The following DLG2 variants were observed in gnomAD, a reference collection of about 807,000 sequenced individuals.
DLG2 encodes disks large homolog 2.
Under a neutral mutation model 132.5 loss-of-function variants are expected in DLG2, and 45 were observed. That is an observed-to-expected ratio of 0.34 (90% CI 0.27 to 0.44). The LOEUF (loss-of-function observed/expected upper bound fraction) is 0.44. Among genes scored for constraint, DLG2 ranks in the 20% least tolerant of loss-of-function variants. The probability of loss-of-function intolerance (pLI) is 1.00; values close to 1 mark genes in which losing one functional copy is unlikely to be tolerated. For missense variants in DLG2, 1,045 were observed against 1,196.9 expected, an observed-to-expected ratio of 0.87 and a Z score of 1.87; for synonymous variants, 424 against 419.6, an observed-to-expected ratio of 1.01 and a Z score of -0.13.
At chr11:84,077,634 T>C (rs571170722) in intron 10 of DLG2, among the ~76,000 whole-genome samples, 1 of 152,370 alleles carries the variant, frequency 6.6e-6, no homozygotes, top group African/African-American at 2.4e-5. Context: ...ATATCATTTC[T>C]GACCTACTGT....
At chr11:85,412,269 G>A (rs1346637030) in intron 3 of DLG2, among the ~76,000 whole-genome samples, 1 of 151,758 alleles carries the variant, frequency 6.6e-6, no homozygotes, top group South Asian at 2.1e-4. Flanking sequence ...AGTCCTCATT[G>A]CTCTGGCAGG....
chr11:85,146,606 G>A (rs2076879289), intron 5 of DLG2, among the ~76,000 whole-genome samples: 1 of 152,056 alleles, frequency 6.6e-6, no homozygotes, highest in East Asian at 1.9e-4. Flanking sequence ...TGGTACCCAG[G>A]TTGCAAGATG....
chr11:83,569,753 C>T (rs2096766964), intron 19 of DLG2, among the ~76,000 whole-genome samples: 3 of 152,214 alleles, frequency 2.0e-5, no homozygotes, highest in African/African-American at 4.8e-5. Context: ...GATGAAAACA[C>T]TGCCTAGACA....
At chr11:84,162,267 A>T (rs896484194) in intron 9 of DLG2, among the ~76,000 whole-genome samples, 12 of 152,184 alleles carry the variant, frequency 7.9e-5, no homozygotes, top group Non-Finnish European at 1.5e-4. Context: ...AGCCACCAAC[A>T]TGTGTAACAT....
chr11:84,767,470 G>C (rs1420333871), intron 6 of DLG2, among the ~76,000 whole-genome samples: 1 of 151,972 alleles, frequency 6.6e-6, no homozygotes, highest in Non-Finnish European at 1.5e-5. Flanking sequence ...GGATTTAAAA[G>C]AAAGAAGGTG....
intron 3 of DLG2, among the ~76,000 whole-genome samples, chr11:85,516,325 A>T (rs1325690310): frequency 6.6e-6 from 1 of 152,050 alleles, no homozygotes; most frequent in Non-Finnish European, 1.5e-5. Context: ...TGAGCAATAA[A>T]TTTATACATC....
At chr11:83,476,261 A>G (rs1392473561) in intron 22 of DLG2, among the ~76,000 whole-genome samples, 2 of 152,130 alleles carry the variant, frequency 1.3e-5, no homozygotes, top group Non-Finnish European at 2.9e-5. Context: ...ATAGATGGCA[A>G]GTACATACCA....
chr11:83,537,829 AAAAAAAGAGAG>A (rs1268591182), intron 20 of DLG2, among the ~76,000 whole-genome samples: 10 of 138,438 alleles, frequency 7.2e-5, no homozygotes, highest in African/African-American at 1.5e-4. Flanking sequence ...AAAAAAAAAA[AAAAAAAGAGAG>A]AGAGAGATAC....
At chr11:83,655,246 T>C (rs1404771759) in intron 18 of DLG2, among the ~76,000 whole-genome samples, 29 of 152,208 alleles carry the variant, frequency 1.9e-4, no homozygotes, top group Non-Finnish European at 7.3e-5. Flanking sequence ...TAAATAGATA[T>C]TTATTGAATA....
At chr11:84,934,120 T>C (rs2048406571) in intron 6 of DLG2, among the ~76,000 whole-genome samples, 1 of 152,194 alleles carries the variant, frequency 6.6e-6, no homozygotes, top group African/African-American at 2.4e-5. Context: ...TCTGCACCTA[T>C]TTAGATAATC....
intron 6 of DLG2, chr11:84,546,469 A>C (rs746737650): frequency 4.5e-5 from 10 of 220,346 alleles, no homozygotes; most frequent in Non-Finnish European, 6.6e-5. Flanking sequence ...TAAATTACCC[A>C]GTCTTGGGTA....
At chr11:83,714,640 T>C (rs1455382877) in intron 18 of DLG2, among the ~76,000 whole-genome samples, 1 of 152,230 alleles carries the variant, frequency 6.6e-6, no homozygotes, top group Non-Finnish European at 1.5e-5. Context: ...CTAAAGCTGC[T>C]GGATACAGTA....
intron 7 of DLG2, among the ~76,000 whole-genome samples, chr11:84,252,878 T>G (rs901195739): frequency 9.9e-5 from 15 of 152,190 alleles, no homozygotes; most frequent in African/African-American, 3.4e-4. Context: ...GCTCAAATTT[T>G]GGGGTATTTC....
intron 18 of DLG2, among the ~76,000 whole-genome samples, chr11:83,772,045 A>G (rs769772359): frequency 6.6e-6 from 1 of 152,044 alleles, no homozygotes; most frequent in Admixed American, 6.6e-5. Context: ...AATTGCATGG[A>G]GATTTCTTTT....
intron 3 of DLG2, among the ~76,000 whole-genome samples, chr11:85,528,086 C>A (rs1174869792): frequency 1.3e-5 from 2 of 152,136 alleles, no homozygotes; most frequent in East Asian, 1.9e-4. Context: ...GGATATTAGA[C>A]CTTTGTCGGA....
At chr11:83,633,356 G>T in intron 18 of DLG2, 31 bp from the exon 19 acceptor site, 1 of 1,586,984 alleles carries the variant, frequency 6.3e-7, no homozygotes. Flanking sequence ...AGCAAATTTT[G>T]CTCTGTGCCC....
intron 25 of DLG2, 84 bp from the exon 26 acceptor site, chr11:83,466,901 T>G (rs2091135951): frequency 2.2e-6 from 2 of 910,548 alleles, no homozygotes; most frequent in Non-Finnish European, 3.5e-6. Context: ...TATGTAGGTT[T>G]TAGAGGAAGG....
chr11:84,016,103 C>T (rs558665461), intron 11 of DLG2, among the ~76,000 whole-genome samples: 14 of 151,838 alleles, frequency 9.2e-5, no homozygotes, highest in African/African-American at 1.7e-4. Flanking sequence ...TATCTCTTTG[C>T]GGTTTTTATT....
At chr11:85,398,835 T>A (rs1455165588) in intron 3 of DLG2, among the ~76,000 whole-genome samples, 1 of 152,176 alleles carries the variant, frequency 6.6e-6, no homozygotes, top group Non-Finnish European at 1.5e-5. Flanking sequence ...ACAGCCAAAT[T>A]CTACCAGAGG....
Sources: gnomAD v4.1 joint callset for allele counts (sites outside exome capture counted in the v4.1 genomes callset) on GRCh38, gnomAD v4.1.1 for gene constraint, MANE v1.5 for transcripts, NCBI Gene and HGNC (gene_info 2026-07-23, HGNC 2026-07-21) for gene names.